The following THSD7B variants were observed in gnomAD, a reference collection of about 807,000 sequenced individuals.
THSD7B encodes thrombospondin type-1 domain-containing protein 7B.
A neutral mutation model predicts 213.6 loss-of-function variants in THSD7B; 138 were observed. The ratio of observed to expected loss-of-function variants is 0.65; its 90% CI spans 0.56 to 0.74. THSD7B has a LOEUF of 0.74. THSD7B is among the 30% of genes least tolerant of loss of function. The pLI is 0.00. For missense variants in THSD7B, 1,931 were observed against 1,991.5 expected, an observed-to-expected ratio of 0.97 and a Z score of 0.58; for synonymous variants, 742 against 687.0, an observed-to-expected ratio of 1.08 and a Z score of -1.25.
intron 12 of THSD7B, among the ~76,000 whole-genome samples, chr2:137,348,703 C>CTTTTTTTTTTTTTTTTTTTTTTTTT (rs80150345): frequency 5.4e-5 from 6 of 110,934 alleles, no homozygotes; most frequent in Non-Finnish European, 9.2e-5. Context: ...CTATGAACTC[C>CTTTTTTTTTTTTTTTTTTTTTTTTT]TTTTTTTTTT....
At chr2:137,596,421 C>T (rs533527475) in intron 17 of THSD7B, among the ~76,000 whole-genome samples, 2 of 152,096 alleles carry the variant, frequency 1.3e-5, no homozygotes, top group Non-Finnish European at 2.9e-5. Context: ...CTTTATTTGG[C>T]TGTGTTCAAA....
chr2:137,222,347 A>G (rs897561316), intron 7 of THSD7B, among the ~76,000 whole-genome samples: 2 of 152,160 alleles, frequency 1.3e-5, no homozygotes, highest in African/African-American at 4.8e-5. Flanking sequence ...CTACTCATCA[A>G]CTATTCTGTC....
intron 14 of THSD7B, among the ~76,000 whole-genome samples, chr2:137,430,245 C>T (rs1369199592): frequency 1.3e-5 from 2 of 151,972 alleles, no homozygotes; most frequent in Non-Finnish European, 2.9e-5. Flanking sequence ...AAGACCCTGA[C>T]TCAAAAAAAT....
intron 1 of THSD7B, among the ~76,000 whole-genome samples, chr2:136,852,842 C>A (rs1683120505): frequency 6.6e-6 from 1 of 152,072 alleles, no homozygotes; most frequent in Non-Finnish European, 1.5e-5. Context: ...AACTTGCTGT[C>A]TTTCATACCA....
At chr2:137,552,400 AAT>A (rs1403004612) in intron 15 of THSD7B, among the ~76,000 whole-genome samples, 3 of 152,184 alleles carry the variant, frequency 2.0e-5, no homozygotes, top group African/African-American at 7.2e-5. Context: ...GCCCCTCCAG[AAT>A]TGGCATCTCA....
chr2:137,676,398 A>G, intron 27 of THSD7B, 126 bp from the exon 28 acceptor site: 1 of 800,708 alleles, frequency 1.2e-6, no homozygotes, highest in Non-Finnish European at 2.0e-6. Flanking sequence ...GGGAACCCAC[A>G]CATCTAGAGA....
At chr2:136,918,433 T>C (rs1375094131) in intron 2 of THSD7B, among the ~76,000 whole-genome samples, 3 of 152,356 alleles carry the variant, frequency 2.0e-5, no homozygotes, top group Admixed American at 2.0e-4. Flanking sequence ...TTGCCAAATA[T>C]AGTTGCTACG....
chr2:136,925,575 A>T (rs1684509607), intron 2 of THSD7B, among the ~76,000 whole-genome samples: 1 of 152,180 alleles, frequency 6.6e-6, no homozygotes, highest in African/African-American at 2.4e-5. Flanking sequence ...TTGGTTTACT[A>T]ATAATTTGTA....
intron 12 of THSD7B, among the ~76,000 whole-genome samples, chr2:137,315,547 T>G (rs1237798913): frequency 6.6e-6 from 1 of 152,260 alleles, no homozygotes; most frequent in East Asian, 1.9e-4. Flanking sequence ...TATATGTATA[T>G]ATAATTTTAA....
At chr2:137,251,980 G>A (rs1040000166) in intron 10 of THSD7B, among the ~76,000 whole-genome samples, 7 of 152,040 alleles carry the variant, frequency 4.6e-5, no homozygotes, top group Non-Finnish European at 7.4e-5. Context: ...TAGGTAAAAG[G>A]GGTCTTGGCT....
chr2:137,425,307 C>T (rs1173476288), intron 14 of THSD7B, among the ~76,000 whole-genome samples: 1 of 151,930 alleles, frequency 6.6e-6, no homozygotes. Flanking sequence ...ACCTCCACCT[C>T]GCAGGTTCAA....
chr2:137,206,387 GAGAGTGTTTAA>G (rs1242583936), intron 7 of THSD7B, among the ~76,000 whole-genome samples: 1 of 152,076 alleles, frequency 6.6e-6, no homozygotes, highest in East Asian at 1.9e-4. Context: ...GAATAAGCGT[GAGAGTGTTTAA>G]AGTCCCAAAT....
intron 20 of THSD7B, among the ~76,000 whole-genome samples, chr2:137,625,025 T>C (rs1682596070): frequency 6.6e-6 from 1 of 152,024 alleles, no homozygotes; most frequent in Non-Finnish European, 1.5e-5. Context: ...CACATGCACA[T>C]GTATGTTTAT....
intron 12 of THSD7B, among the ~76,000 whole-genome samples, chr2:137,334,170 T>TTC (rs139280559): frequency 0.011 from 1,608 of 148,904 alleles, 30 homozygotes; most frequent in African/African-American, 0.036. Context: ...CTTTCTCTCT[T>TTC]TCTCTCTCTC....
At chr2:137,305,900 G>A (rs142874168) in intron 12 of THSD7B, among the ~76,000 whole-genome samples, 70 of 152,224 alleles carry the variant, frequency 4.6e-4, no homozygotes, top group African/African-American at 1.5e-3. Context: ...CTACAAACCT[G>A]TACTGCATGT....
intron 7 of THSD7B, among the ~76,000 whole-genome samples, chr2:137,212,977 G>A (rs549783729): frequency 4.1e-5 from 6 of 147,926 alleles, no homozygotes; most frequent in African/African-American, 1.3e-4. Context: ...CAGATTTATG[G>A]CATCTGCCAC....
At chr2:136,942,232 C>A (rs1359485141) in intron 2 of THSD7B, among the ~76,000 whole-genome samples, 1 of 152,264 alleles carries the variant, frequency 6.6e-6, no homozygotes, top group Middle Eastern at 3.4e-3. Context: ...CAGTACCATG[C>A]TGTTTTGGTC....
At chr2:137,288,939 G>T (rs1007447556) in intron 12 of THSD7B, among the ~76,000 whole-genome samples, 2 of 152,038 alleles carry the variant, frequency 1.3e-5, no homozygotes, top group Non-Finnish European at 2.9e-5. Context: ...TTTGAAATGT[G>T]AGGGACATGA....
rs548262053 is a variant in THSD7B at position 137,399,285 on chromosome 2, T to A, written c.2501-6328T>A. 2.0e-5 allele frequency among the ~76,000 whole-genome samples: 3 copies of A among 151,208 alleles called. No individual in the cohort carries two copies. In the East Asian group the frequency reaches 5.9e-4, roughly 30 times the overall value. On this transcript the variant is annotated intron_variant, in intron 12 of 27. Transcript: ENST00000409968. Reference sequence around the variant, plus strand: ...TTGGCTCACTGCAGCATCCACCTCCTGGATTCAAGCGATTTTCCTCCCTCA... The same window carrying A: ...TTGGCTCACTGCAGCATCCACCTCCAGGATTCAAGCGATTTTCCTCCCTCA...
Sources: allele counts gnomAD v4.1 joint callset (sites outside exome capture counted in the v4.1 genomes callset), GRCh38; gene constraint gnomAD v4.1.1; transcripts MANE v1.5; gene names NCBI Gene and HGNC (gene_info 2026-07-23, HGNC 2026-07-21).